NEDD9: variants seen among roughly 807,000 people sequenced by gnomAD.
The protein encoded by NEDD9 is enhancer of filamentation 1.
Under a neutral mutation model 76.6 loss-of-function variants are expected in NEDD9, and 26 were observed. The observed-to-expected ratio is 0.34, with a 90% CI of 0.25 to 0.47. The LOEUF (loss-of-function observed/expected upper bound fraction) is 0.47, where lower values mean the gene tolerates loss of function less well. Ranked by LOEUF, NEDD9 falls within the 20% of genes least tolerant of loss-of-function variation. The probability of loss-of-function intolerance (pLI) is 1.00; values close to 1 mark genes in which losing one functional copy is unlikely to be tolerated. For missense variants in NEDD9, 937 were observed against 1,058.5 expected, an observed-to-expected ratio of 0.89 and a Z score of 1.59; for synonymous variants, 392 against 414.2, an observed-to-expected ratio of 0.95 and a Z score of 0.65.
At chr6:11,374,036 T>C in intron 1 of NEDD9, among the ~76,000 whole-genome samples, 1 of 151,718 alleles carries the variant, frequency 6.6e-6, no homozygotes, top group East Asian at 1.9e-4. Flanking sequence ...ACCAACTTCA[T>C]AAAATAAATC....
chr6:11,210,555 G>T (rs1758755184), intron 2 of NEDD9, among the ~76,000 whole-genome samples: 1 of 152,172 alleles, frequency 6.6e-6, no homozygotes, highest in Non-Finnish European at 1.5e-5. Flanking sequence ...AGTGTGCTGG[G>T]ATTATCTCTT....
intron 2 of NEDD9, among the ~76,000 whole-genome samples, chr6:11,195,476 G>A (rs767804087): frequency 2.0e-5 from 3 of 149,658 alleles, no homozygotes; most frequent in Non-Finnish European, 4.4e-5. Context: ...TTTTTTACTC[G>A]CTATTGTCCA....
At chr6:11,284,545 G>A (rs371409137) in intron 3 of NEDD9, among the ~76,000 whole-genome samples, 15 of 151,600 alleles carry the variant, frequency 9.9e-5, no homozygotes, top group Non-Finnish European at 2.1e-4. Context: ...CAGCCTGAGC[G>A]ACAGAGCAAG....
chr6:11,335,581 C>G (rs1762140038), intron 1 of NEDD9, among the ~76,000 whole-genome samples: 1 of 152,222 alleles, frequency 6.6e-6, no homozygotes, highest in African/African-American at 2.4e-5. Context: ...TTCACCTGAC[C>G]TCTCGCCAAC....
intron 3 of NEDD9, among the ~76,000 whole-genome samples, chr6:11,301,999 A>T (rs1448666896): frequency 1.3e-5 from 2 of 152,218 alleles, no homozygotes; most frequent in Non-Finnish European, 2.9e-5. Flanking sequence ...AGCAGAAGGC[A>T]AGAAATAACA....
At chr6:11,197,880 T>C (rs776366418) in intron 2 of NEDD9, among the ~76,000 whole-genome samples, 15 of 152,132 alleles carry the variant, frequency 9.9e-5, no homozygotes, top group Non-Finnish European at 1.5e-4. Context: ...TGTGTTTGGA[T>C]AGCAGAGAGA....
At chr6:11,363,429 A>G (rs1762711908) in intron 1 of NEDD9, among the ~76,000 whole-genome samples, 1 of 152,200 alleles carries the variant, frequency 6.6e-6, no homozygotes, top group Non-Finnish European at 1.5e-5. Flanking sequence ...ATTTGTGGAT[A>G]CGTATCCTGA....
At chr6:11,245,444 G>C (rs1384582488) in intron 3 of NEDD9, among the ~76,000 whole-genome samples, 1 of 152,062 alleles carries the variant, frequency 6.6e-6, no homozygotes, top group African/African-American at 2.4e-5. Context: ...ACATTTCCTT[G>C]CCAGTTAACT....
chr6:11,325,509 C>T (rs545292016), intron 2 of NEDD9, among the ~76,000 whole-genome samples: 100 of 152,202 alleles, frequency 6.6e-4, no homozygotes, highest in African/African-American at 2.0e-3. Flanking sequence ...CTTATATTTT[C>T]GTTTAAAGCT....
At chr6:11,364,419 T>C (rs979508914) in intron 1 of NEDD9, among the ~76,000 whole-genome samples, 1 of 152,172 alleles carries the variant, frequency 6.6e-6, no homozygotes, top group Non-Finnish European at 1.5e-5. Flanking sequence ...TCCTAATGAG[T>C]CATTGAACCT....
intron 2 of NEDD9, among the ~76,000 whole-genome samples, chr6:11,332,610 C>T (rs1341304058): frequency 6.6e-6 from 1 of 152,230 alleles, no homozygotes; most frequent in Non-Finnish European, 1.5e-5. Context: ...CTCCTTTGCA[C>T]TCTGTGCTTA....
In NEDD9 at chr6:11,296,679, C is replaced by CCTTTCCCTT. The variant is rs56700039; in HGVS notation, c.12+9312_12+9313insAAGGGAAAG. ...CCTTTCCTTTCCTTTCCTTTCCTTT[C>CCTTTCCCTT]CCTTCCTTCCTTCCTTCCTTCCTTC... On this transcript the variant is annotated intron_variant, in intron 3 of 3. Coordinates refer to the NEDD9 transcript ENST00000397378. Among the ~76,000 whole-genome samples, 211 of 92,950 alleles carry CCTTTCCCTT rather than the reference C, an allele frequency of 2.3e-3. 4 individuals carry two copies. The highest frequency in any genetic ancestry group is 2.1e-3 in the Non-Finnish European group (105 of 49,294). The allele number at this position is 92,950 out of a possible 152,430, so 61.0% of individuals were successfully genotyped here.
At chr6:11,254,172 G>C (rs1759961692) in intron 3 of NEDD9, among the ~76,000 whole-genome samples, 1 of 152,000 alleles carries the variant, frequency 6.6e-6, no homozygotes, top group Non-Finnish European at 1.5e-5. Flanking sequence ...CCAGGCTGGA[G>C]TACAGTGGCA....
intron 3 of NEDD9, among the ~76,000 whole-genome samples, chr6:11,263,948 C>A (rs1313337222): frequency 6.6e-6 from 1 of 152,128 alleles, no homozygotes; most frequent in African/African-American, 2.4e-5. Context: ...AGGTTCAAGT[C>A]TAGACTTGAG....
chr6:11,232,234 C>T (rs1266204021), intron 1 of NEDD9, among the ~76,000 whole-genome samples: 2 of 152,182 alleles, frequency 1.3e-5, no homozygotes, highest in Admixed American at 6.5e-5. Flanking sequence ...TGCTGTGAAG[C>T]GGCTCCAAGT....
At chr6:11,344,342 C>A (rs1161191802) in intron 1 of NEDD9, among the ~76,000 whole-genome samples, 1 of 152,130 alleles carries the variant, frequency 6.6e-6, no homozygotes, top group East Asian at 1.9e-4. Context: ...AGATGTTTAT[C>A]CTGGAGAAAG....
intron 2 of NEDD9, among the ~76,000 whole-genome samples, chr6:11,327,448 T>A (rs1761950231): frequency 6.6e-6 from 1 of 152,222 alleles, no homozygotes; most frequent in Non-Finnish European, 1.5e-5. Flanking sequence ...CTATTTAAAG[T>A]ACATCGAACA....
At chr6:11,358,954 CTG>C (rs1762631721) in intron 1 of NEDD9, among the ~76,000 whole-genome samples, 1 of 152,190 alleles carries the variant, frequency 6.6e-6, no homozygotes, top group South Asian at 2.1e-4. Context: ...GAGAGGCAAA[CTG>C]TGCAATTCTT....
intron 1 of NEDD9, among the ~76,000 whole-genome samples, chr6:11,216,000 T>A (rs1758943589): frequency 6.6e-6 from 1 of 152,152 alleles, no homozygotes; most frequent in Admixed American, 6.5e-5. Context: ...TCCTGGGCGT[T>A]CTTTGTCTCC....
Sources: gnomAD v4.1 joint callset for allele counts (sites outside exome capture counted in the v4.1 genomes callset) on GRCh38, gnomAD v4.1.1 for gene constraint, MANE v1.5 for transcripts, NCBI Gene and HGNC (gene_info 2026-07-23, HGNC 2026-07-21) for gene names.